RGS9: variants seen among roughly 807,000 people sequenced by gnomAD.
RGS9 encodes the protein regulator of G protein signaling 9.
RGS9 carries 78 observed loss-of-function variants against 102.0 expected under a neutral mutation model. The ratio of observed to expected loss-of-function variants is 0.76; its 90% CI spans 0.64 to 0.92. The LOEUF is 0.92. RGS9 is among the 40% of genes least tolerant of loss of function. RGS9 has a pLI of 0.00. For synonymous variants in RGS9, 353 were observed against 318.6 expected, an observed-to-expected ratio of 1.11 and a Z score of -1.15; for missense variants, 833 against 866.1, an observed-to-expected ratio of 0.96 and a Z score of 0.48.
intron 15 of RGS9, among the ~76,000 whole-genome samples, chr17:65,207,165 AC>A (rs1913094012): frequency 6.6e-6 from 1 of 152,030 alleles, no homozygotes. Flanking sequence ...TTGCCTTTAC[AC>A]CCAAAACACA....
chr17:65,178,479 C>A lies in RGS9; in HGVS notation c.654+676C>A, dbSNP rs530732747. On this transcript the variant is annotated intron_variant, in intron 9 of 18. Transcript: ENST00000262406. ...TTGGGCCAGATAATTCTTTTTTTTT[C>A]CTATTTATTTATTTATTTATTTATT... 5.0e-5 allele frequency among the ~76,000 whole-genome samples: 7 copies of A among 141,340 alleles called. No homozygotes were observed. In the East Asian group the frequency reaches 1.2e-3, roughly 24 times the overall value. The allele number at this position is 141,340 out of a possible 152,430, so 92.7% of individuals were successfully genotyped here.
intron 2 of RGS9, among the ~76,000 whole-genome samples, chr17:65,157,441 A>G (rs1366368401): frequency 1.3e-5 from 2 of 151,800 alleles, no homozygotes; most frequent in Non-Finnish European, 1.5e-5. Flanking sequence ...TTGTTGGTGG[A>G]ACTTGGCTTG....
chr17:65,176,503 G>GA (rs1443361374), intron 8 of RGS9, among the ~76,000 whole-genome samples: 9 of 152,208 alleles, frequency 5.9e-5, no homozygotes, highest in African/African-American at 2.2e-4. Flanking sequence ...GTGGCACCCA[G>GA]ACGTGCCTGA....
chr17:65,148,289 T>C (rs1165475777), intron 1 of RGS9, among the ~76,000 whole-genome samples: 1 of 152,240 alleles, frequency 6.6e-6, no homozygotes, highest in African/African-American at 2.4e-5. Context: ...TTTGTATGCA[T>C]AGAACACATT....
intron 17 of RGS9, among the ~76,000 whole-genome samples, chr17:65,221,988 G>T (rs529212261): frequency 6.6e-6 from 1 of 152,358 alleles, no homozygotes; most frequent in South Asian, 2.1e-4. Context: ...GCGCAGCTGG[G>T]TTCTCAGCTC....
intron 16 of RGS9, 55 bp downstream of exon 16, chr17:65,208,062 T>A: frequency 8.1e-7 from 1 of 1,232,960 alleles, no homozygotes; most frequent in Non-Finnish European, 1.2e-6. Flanking sequence ...TACAGAGAAG[T>A]GAGGGTCTCT....
intron 17 of RGS9, 74 bp from the exon 18 acceptor site, chr17:65,224,928 G>C: frequency 6.3e-7 from 1 of 1,595,596 alleles, no homozygotes; most frequent in Non-Finnish European, 8.5e-7. Flanking sequence ...TAAGTTAGCA[G>C]AGGACAGCCC....
At chr17:65,143,317 C>T (rs1910227786) in intron 1 of RGS9, among the ~76,000 whole-genome samples, 5 of 152,086 alleles carry the variant, frequency 3.3e-5, no homozygotes, top group Admixed American at 3.3e-4. Flanking sequence ...CTAAGGAGCA[C>T]CCCGGAGGCT....
chr17:65,146,529 A>G (rs1457521067), intron 1 of RGS9, among the ~76,000 whole-genome samples: 1 of 151,230 alleles, frequency 6.6e-6, no homozygotes, highest in African/African-American at 2.4e-5. Context: ...CGGAGGTTGC[A>G]ATGAGCCAAG....
intron 17 of RGS9, among the ~76,000 whole-genome samples, chr17:65,212,133 T>C (rs181067295): frequency 8.5e-5 from 13 of 152,226 alleles, no homozygotes; most frequent in Non-Finnish European, 1.8e-4. Flanking sequence ...AGGCTTCACA[T>C]AGTCTCTTCT....
intron 9 of RGS9, among the ~76,000 whole-genome samples, chr17:65,185,007 A>G (rs1488755837): frequency 6.6e-6 from 1 of 151,964 alleles, no homozygotes; most frequent in Non-Finnish European, 1.5e-5. Context: ...AGTTGCTGGG[A>G]CCACAGGCAT....
intron 13 of RGS9, among the ~76,000 whole-genome samples, chr17:65,200,385 T>G (rs1198434199): frequency 1.3e-5 from 2 of 152,228 alleles, no homozygotes; most frequent in Non-Finnish European, 2.9e-5. Flanking sequence ...CTTCACCATA[T>G]TTTGTTCATC....
intron 8 of RGS9, 144 bp from the exon 9 acceptor site, chr17:65,177,588 A>G (rs991674392): frequency 5.8e-5 from 48 of 824,684 alleles, no homozygotes; most frequent in Non-Finnish European, 9.9e-5. Context: ...TGGAGGGTTT[A>G]CACCCACTCA....
At chr17:65,207,621 T>C (rs1303100679) in intron 15 of RGS9, among the ~76,000 whole-genome samples, 2 of 152,208 alleles carry the variant, frequency 1.3e-5, no homozygotes, top group African/African-American at 2.4e-5. Flanking sequence ...TGATAGGATC[T>C]GAAGCTGTGA....
In RGS9 at chr17:65,225,462, G is replaced by T. The variant is rs139146881; in HGVS notation, c.1868G>T (p.Arg623Leu). The T allele has an allele frequency of 8.9e-5, 143 of 1,604,468 alleles. 1 individual carries two copies. In the African/African-American group the frequency reaches 1.7e-3, roughly 19 times the overall value. Residue 623 changes from arginine to leucine, a missense_variant, in exon 18 of 19, where the codon CGA becomes CTA. By Grantham distance (102) the Arg-to-Leu change is moderately radical (BLOSUM62 -2). Around this residue, in one of 3 missense-constraint regions of RGS9, gnomAD observed 320 missense variants for 276.8 expected, o/e 1.16. Coordinates refer to ENST00000262406, the MANE Select transcript of RGS9 (RefSeq NM_003835.4). Reference sequence around the variant, plus strand: ...GGGGACGTGGGCCAGCAGCTGCCACGATTGAAATCCAAGAGAGTAGCAAAG... The same window carrying T: ...GGGGACGTGGGCCAGCAGCTGCCACTATTGAAATCCAAGAGAGTAGCAAAG... ...PLGDVGQQLPRLKSKRVANFF... is the reference protein window; with the variant it reads ...PLGDVGQQLPLLKSKRVANFF...
In RGS9 at chr17:65,200,559, T is replaced by C. The variant is rs537051022; in HGVS notation, c.977-1434T>C. 1.9e-4 allele frequency among the ~76,000 whole-genome samples: 29 copies of C among 152,320 alleles called. No homozygotes were observed. In the South Asian group the frequency reaches 6.0e-3, roughly 32 times the overall value. On this transcript the variant is annotated intron_variant, in intron 13 of 18. Transcript: ENST00000262406. ...ACATTTTAGTTGAGAGCATCACTGG[T>C]CTGTGATCTCAGTCCAAAGAACGCC...
rs1567886565 is a variant in RGS9 at position 65,202,024 on chromosome 17, G to A, written c.1008G>A (p.Glu336=). ...ATCTGGGATTCTGGGAAGCCTGCGA[G>A]GATCTGAAGTATGGAGATCAGTCCA... ...GENLGFWEAC[E]DLKYGDQSKV... Residue 336 remains glutamate, a synonymous_variant, in exon 14 of 19, where the codon GAG becomes GAA. Transcript: ENST00000262406. The A allele has an allele frequency of 6.2e-7, 1 of 1,613,656 alleles. No homozygotes were observed. The highest frequency in any genetic ancestry group is 8.5e-7 in the Non-Finnish European group (1 of 1,179,754).
Position 65,218,645 on chromosome 17 carries a change from C to G in RGS9, c.1408-6357C>G, listed in dbSNP as rs28669831. On this transcript the variant is annotated intron_variant, in intron 17 of 18. Coordinates refer to ENST00000262406, the MANE Select transcript of RGS9 (RefSeq NM_003835.4). ...AGGGTGGATGCTCAGAAATAGCTCTCTCTCTCTTTCCTCCCCCTTTCTTTC... is the reference window on the plus strand; with the variant it reads ...AGGGTGGATGCTCAGAAATAGCTCTGTCTCTCTTTCCTCCCCCTTTCTTTC... Among the ~76,000 whole-genome samples, 643 of 152,198 alleles carry G rather than the reference C, an allele frequency of 4.2e-3. 4 individuals carry two copies. Among genetic ancestry groups the G allele is most frequent in the African/African-American group, 0.015 (607 of 41,532 alleles).
intron 17 of RGS9, among the ~76,000 whole-genome samples, chr17:65,219,222 C>T (rs553990554): frequency 2.6e-5 from 4 of 152,328 alleles, no homozygotes; most frequent in African/African-American, 4.8e-5. Flanking sequence ...CCTTGCACCT[C>T]CCTCTCCCCA....
Sources: allele counts gnomAD v4.1 joint callset (sites outside exome capture counted in the v4.1 genomes callset), GRCh38; gene constraint gnomAD v4.1.1; regional missense constraint gnomAD v4.1.1; transcripts MANE v1.5; gene names NCBI Gene and HGNC (gene_info 2026-07-23, HGNC 2026-07-21).